Variants in EBF2 observed in about 807,000 individuals in gnomAD.
The protein encoded by EBF2 is transcription factor COE2.
A neutral mutation model predicts 72.8 loss-of-function variants in EBF2; 21 were observed. The ratio of observed to expected loss-of-function variants is 0.29; its 90% CI spans 0.20 to 0.42. EBF2 has a LOEUF of 0.42. EBF2 is among the 10% of genes least tolerant of loss of function. EBF2 has a pLI of 1.00. For synonymous variants in EBF2, 299 were observed against 274.2 expected (o/e 1.09, Z -0.89); for missense variants, 637 against 731.2 (o/e 0.87, Z 1.49).
chr8:25,944,061 T>C (rs921505928), intron 6 of EBF2, among the ~76,000 whole-genome samples: 1 of 152,136 alleles, frequency 6.6e-6, no homozygotes. Context: ...AAATCTCCAT[T>C]TCAAAAAGTC....
At chr8:25,913,076 T>C (rs1224785497) in intron 6 of EBF2, among the ~76,000 whole-genome samples, 1 of 152,218 alleles carries the variant, frequency 6.6e-6, no homozygotes, top group Non-Finnish European at 1.5e-5. Flanking sequence ...CCAGGATTTA[T>C]GGAAGAGGCC....
chr8:25,983,751 G>A (rs1353063272), intron 6 of EBF2, among the ~76,000 whole-genome samples: 2 of 152,292 alleles, frequency 1.3e-5, no homozygotes, highest in Non-Finnish European at 1.5e-5. Flanking sequence ...ATGAAAACTC[G>A]CTGGGTGTGC....
rs555004323 is a variant in EBF2 at position 25,957,638 on chromosome 8, G to A, written c.552-49083C>T. Among the ~76,000 whole-genome samples the A allele has an allele frequency of 3.3e-5, 5 of 152,298 alleles. No homozygotes were observed. The East Asian group carries it at 5.8e-4, about 18-fold the overall frequency. ...AGCAAGCTGGGAGCCCAAGGTGAGAGGATTGCTTGAACCCAGGAGTTCAAG... is the reference window on the plus strand; with the variant it reads ...AGCAAGCTGGGAGCCCAAGGTGAGAAGATTGCTTGAACCCAGGAGTTCAAG... On this transcript the variant is annotated intron_variant, in intron 6 of 15. Transcript: ENST00000520164.
At chr8:25,954,717 C>G (rs1050381997) in intron 6 of EBF2, among the ~76,000 whole-genome samples, 3 of 152,164 alleles carry the variant, frequency 2.0e-5, no homozygotes, top group African/African-American at 7.2e-5. Context: ...CCCAGGGAGC[C>G]TTCAGAACTC....
Position 25,858,299 on chromosome 8 carries a change from G to C in EBF2, c.1528+20C>G, listed in dbSNP as rs369327900. The C allele has an allele frequency of 1.9e-6, 3 of 1,613,680 alleles. No individual in the cohort carries two copies. Among genetic ancestry groups the C allele is most frequent in the Non-Finnish European group, 2.5e-6 (3 of 1,179,776 alleles). ...GAGACAAAAAAGCATGGAGAGCCAA[G>C]TGATGGAGAGGTCACTTACTTCCAT... is the stretch of plus-strand genomic sequence containing the variant. On this transcript the variant is annotated intron_variant, in intron 14 of 15. Coordinates refer to ENST00000520164, the MANE Select transcript of EBF2 (RefSeq NM_022659.4).
chr8:25,860,548 C>T (rs1038605529), intron 13 of EBF2, among the ~76,000 whole-genome samples: 2 of 150,768 alleles, frequency 1.3e-5, no homozygotes, highest in Non-Finnish European at 3.0e-5. Flanking sequence ...TGCACTGTCA[C>T]ACTGCACAGG....
chr8:25,861,383 T>C lies in EBF2; in HGVS notation c.1099-9A>G. ...CTTTTCAACAGCATCTCCTGGAAAATAAGCGAGGATGGGATATTGTCAAAG... is the reference window on the plus strand; with the variant it reads ...CTTTTCAACAGCATCTCCTGGAAAACAAGCGAGGATGGGATATTGTCAAAG... On this transcript the variant is annotated splice_polypyrimidine_tract_variant and intron_variant, in intron 11 of 15. Coordinates refer to ENST00000520164, the MANE Select transcript of EBF2 (RefSeq NM_022659.4). The C allele has an allele frequency of 6.2e-7, 1 of 1,614,046 alleles. No homozygotes were observed. Among genetic ancestry groups the C allele is most frequent in the Non-Finnish European group, 8.5e-7 (1 of 1,180,010 alleles).
rs1385407081 is a variant in EBF2, at chr8:25,842,532, G to A, written c.*2077C>T. The A allele has an allele frequency of 6.6e-6, 1 of 152,180 alleles. No individual in the cohort carries two copies. The highest frequency in any genetic ancestry group is 1.5e-5 in the Non-Finnish European group (1 of 68,034). The allele number at this position is 152,180 out of a possible 1,614,324, so 9.4% of individuals were successfully genotyped here. Reference sequence around the variant, plus strand: ...TAATTTTGCTCTGCCTTCACTTTTGGAAGGTAACATTCATATTCCACACAT... The same window carrying A: ...TAATTTTGCTCTGCCTTCACTTTTGAAAGGTAACATTCATATTCCACACAT... On this transcript the variant is annotated 3_prime_UTR_variant, in exon 16 of 16. Coordinates refer to ENST00000520164, the MANE Select transcript of EBF2 (RefSeq NM_022659.4).
At chr8:25,992,333 C>CAAAAAAAAAAAAAA (rs36020598) in intron 6 of EBF2, among the ~76,000 whole-genome samples, 1 of 52,558 alleles carries the variant, frequency 1.9e-5, no homozygotes, top group Non-Finnish European at 3.1e-5. Flanking sequence ...GACTCTGTCT[C>CAAAAAAAAAAAAAA]AAAAAAAAAA....
At chr8:26,040,865 A>T in intron 3 of EBF2, 74 bp downstream of exon 3, 1 of 1,597,710 alleles carries the variant, frequency 6.3e-7, no homozygotes. Context: ...GAGAGTGATC[A>T]TGGCAAGGTC....
intron 6 of EBF2, among the ~76,000 whole-genome samples, chr8:25,931,902 T>G (rs1301373789): frequency 7.1e-6 from 1 of 141,010 alleles, no homozygotes; most frequent in African/African-American, 3.2e-5. Flanking sequence ...ATTAAATATA[T>G]TTTTTTCATG....
intron 15 of EBF2, among the ~76,000 whole-genome samples, chr8:25,845,740 G>T (rs536366621): frequency 7.2e-5 from 11 of 152,150 alleles, no homozygotes; most frequent in African/African-American, 2.6e-4. Context: ...TAAGCCCGTG[G>T]GATTTTCACA....
intron 6 of EBF2, among the ~76,000 whole-genome samples, chr8:25,920,168 A>T (rs1803284409): frequency 6.6e-6 from 1 of 152,240 alleles, no homozygotes; most frequent in African/African-American, 2.4e-5. Context: ...GGTCATGGAA[A>T]TCTTTAATAA....
chr8:25,848,787 A>C (rs1394707723), intron 15 of EBF2, among the ~76,000 whole-genome samples: 1 of 152,016 alleles, frequency 6.6e-6, no homozygotes, highest in Non-Finnish European at 1.5e-5. Context: ...GAAAGCCTGC[A>C]CCCCTCCTTG....
In EBF2 at chr8:25,973,717, C is replaced by T. The variant is rs542365571; in HGVS notation, c.551+59368G>A. Reference sequence around the variant, plus strand: ...TTTGAGACAGGGTCACACTCTGTTGCCCAAGTGGAATGCAGTGACAGGATC... The same window carrying T: ...TTTGAGACAGGGTCACACTCTGTTGTCCAAGTGGAATGCAGTGACAGGATC... On this transcript the variant is annotated intron_variant, in intron 6 of 15. Coordinates refer to ENST00000520164, the MANE Select transcript of EBF2 (RefSeq NM_022659.4). Among the ~76,000 whole-genome samples the T allele has an allele frequency of 2.6e-5, 4 of 152,240 alleles. No individual in the cohort carries two copies. In the East Asian group the frequency reaches 7.7e-4, roughly 29 times the overall value.
intron 6 of EBF2, among the ~76,000 whole-genome samples, chr8:26,016,730 C>A (rs1328697838): frequency 6.6e-6 from 1 of 152,128 alleles, no homozygotes; most frequent in African/African-American, 2.4e-5. Flanking sequence ...TTCTTTTGAT[C>A]TCAAGAAAAC....
chr8:25,981,583 G>A (rs902011504), intron 6 of EBF2, among the ~76,000 whole-genome samples: 2 of 152,094 alleles, frequency 1.3e-5, no homozygotes, highest in Non-Finnish European at 2.9e-5. Flanking sequence ...ATCACCTGAG[G>A]TCAGGAGTTT....
intron 5 of EBF2, 138 bp downstream of exon 5, chr8:26,039,888 ACT>A: frequency 1.3e-6 from 1 of 798,144 alleles, no homozygotes; most frequent in Non-Finnish European, 2.1e-6. Context: ...GTGGATCTAC[ACT>A]CTGCGCCCGT....
chr8:26,028,865 T>G (rs575747699), intron 6 of EBF2, among the ~76,000 whole-genome samples: 1 of 152,214 alleles, frequency 6.6e-6, no homozygotes, highest in African/African-American at 2.4e-5. Flanking sequence ...ATGGGGACTT[T>G]GGATTTCTAC....
Sources: allele counts gnomAD v4.1 joint callset (sites outside exome capture counted in the v4.1 genomes callset), GRCh38; gene constraint gnomAD v4.1.1; transcripts MANE v1.5; gene names NCBI Gene and HGNC (gene_info 2026-07-23, HGNC 2026-07-21).